The following SIRPG variants were observed in gnomAD, a reference collection of about 807,000 sequenced individuals.
The protein encoded by SIRPG is signal-regulatory protein gamma.
A neutral mutation model predicts 35.7 loss-of-function variants in SIRPG; 38 were observed. That is an observed-to-expected ratio of 1.06 (90% CI 0.82 to 1.40). The LOEUF (loss-of-function observed/expected upper bound fraction) is 1.40, where lower values mean the gene tolerates loss of function less well. Ranked by LOEUF, SIRPG falls within the 40% of genes most tolerant of loss-of-function variation. The pLI is 0.00. For synonymous variants in SIRPG, 215 were observed against 190.4 expected (o/e 1.13, Z -1.06); for missense variants, 519 against 483.0 (o/e 1.07, Z -0.70).
chr20:1,668,203 CTTTCTTTCTTTCTTTCTT>C, the SIRPG span, among the ~76,000 whole-genome samples: 1 of 25,004 alleles, frequency 4.0e-5, no homozygotes, highest in East Asian at 3.6e-3. Flanking sequence ...CTTTTCTTTT[CTTTCTTTCTTTCTTTCTT>C]TCTTTCTTTC....
chr20:1,658,641 C>G (rs1022132851), upstream of SIRPG, among the ~76,000 whole-genome samples: 7 of 152,130 alleles, frequency 4.6e-5, no homozygotes, highest in Non-Finnish European at 1.0e-4. Flanking sequence ...ATCTCCTAAA[C>G]TGGGAATAGT....
the SIRPG span, among the ~76,000 whole-genome samples, chr20:1,682,999 T>G: frequency 6.6e-6 from 1 of 152,312 alleles, no homozygotes; most frequent in Middle Eastern, 3.4e-3. Flanking sequence ...AATTATACAT[T>G]TGATAAGGAG....
At chr20:1,647,075 AG>A (rs1195629222) in intron 2 of SIRPG, 2 of 151,988 alleles carry the variant, frequency 1.3e-5, no homozygotes, top group Non-Finnish European at 2.9e-5. Flanking sequence ...AGGGGCTGTA[AG>A]TCAGGCTGGT....
chr20:1,682,705 A>T, the SIRPG span, among the ~76,000 whole-genome samples: 1 of 152,248 alleles, frequency 6.6e-6, no homozygotes, highest in Admixed American at 6.5e-5. Flanking sequence ...ACCACATACA[A>T]AAATCAACTC....
chr20:1,648,159 C>A (rs1474036597), intron 2 of SIRPG: 3 of 152,188 alleles, frequency 2.0e-5, no homozygotes, highest in African/African-American at 7.2e-5. Context: ...GGATTCTGGG[C>A]CTCTGGCTGG....
the SIRPG span, among the ~76,000 whole-genome samples, chr20:1,684,408 A>G: frequency 6.6e-6 from 1 of 152,182 alleles, no homozygotes; most frequent in Non-Finnish European, 1.5e-5. Context: ...ACACATATAT[A>G]TATGTATACA....
intron 2 of SIRPG, among the ~76,000 whole-genome samples, chr20:1,640,473 T>C (rs1600207081): frequency 6.6e-6 from 1 of 152,334 alleles, no homozygotes; most frequent in East Asian, 1.9e-4. Flanking sequence ...CCTGAGACTT[T>C]GCTGAAGTTT....
chr20:1,670,178 C>T, the SIRPG span: 1 of 259,234 alleles, frequency 3.9e-6, no homozygotes, highest in Non-Finnish European at 8.5e-6. Context: ...CTTCACCTGG[C>T]AGGTGACGTT....
chr20:1,648,726 T>C (rs2091916046), intron 2 of SIRPG, among the ~76,000 whole-genome samples: 1 of 152,258 alleles, frequency 6.6e-6, no homozygotes, highest in African/African-American at 2.4e-5. Flanking sequence ...AGGTGAGTTC[T>C]GGCCCCGTAC....
At chr20:1,676,197 G>A in the SIRPG span, among the ~76,000 whole-genome samples, 1 of 152,142 alleles carries the variant, frequency 6.6e-6, no homozygotes, top group Non-Finnish European at 1.5e-5. Flanking sequence ...TTTAAGGGTT[G>A]TTAGGAGTCT....
At chr20:1,681,324 G>A in the SIRPG span, among the ~76,000 whole-genome samples, 30 of 152,288 alleles carry the variant, frequency 2.0e-4, no homozygotes, top group Admixed American at 5.9e-4. Context: ...TGAAAACTGT[G>A]ATCTCTAGAT....
chr20:1,675,234 C>T, the SIRPG span, among the ~76,000 whole-genome samples: 15 of 152,106 alleles, frequency 9.9e-5, no homozygotes, highest in African/African-American at 2.7e-4. Context: ...GGGGTGGGCA[C>T]GTGCTCTGCT....
intron 1 of SIRPG, among the ~76,000 whole-genome samples, chr20:1,652,855 T>C (rs1245123535): frequency 6.6e-6 from 1 of 152,218 alleles, no homozygotes; most frequent in Non-Finnish European, 1.5e-5. Context: ...CTTTTTCTCT[T>C]TTATTCTACC....
At chr20:1,639,902 C>T (rs1361877532) in intron 2 of SIRPG, among the ~76,000 whole-genome samples, 3 of 152,078 alleles carry the variant, frequency 2.0e-5, no homozygotes, top group African/African-American at 4.8e-5. Flanking sequence ...GCTTGTTTTT[C>T]TCAGGTTTGT....
chr20:1,679,838 A>T, the SIRPG span, among the ~76,000 whole-genome samples: 1 of 139,794 alleles, frequency 7.2e-6, no homozygotes, highest in South Asian at 2.8e-4. Flanking sequence ...TGGCTCAACC[A>T]TTTGGGAGAT....
intron 3 of SIRPG, 73 bp downstream of exon 3, chr20:1,636,115 G>A: frequency 6.2e-7 from 1 of 1,602,206 alleles, no homozygotes; most frequent in Non-Finnish European, 8.5e-7. Context: ...AACCTCTGGA[G>A]CAACAGCCTG....
At chr20:1,638,127 G>A (rs2091819109) in intron 2 of SIRPG, among the ~76,000 whole-genome samples, 1 of 152,180 alleles carries the variant, frequency 6.6e-6, no homozygotes, top group Non-Finnish European at 1.5e-5. Context: ...AGGGCTTCTT[G>A]GGAGCCTGAT....
In SIRPG at chr20:1,652,142, A is replaced by C. The variant is rs1430242025; in HGVS notation, c.74-2734T>G. 3.3e-5 allele frequency among the ~76,000 whole-genome samples: 5 copies of C among 152,356 alleles called. No individual in the cohort carries two copies. The South Asian group carries it at 1.0e-3, about 32-fold the overall frequency. ...TAAACTTCCCCAGGGCTTCTAACGC[A>C]AAACAAAAAATAAAACAAAACAAAA... is the stretch of plus-strand genomic sequence containing the variant. On this transcript the variant is annotated intron_variant, in intron 1 of 5. Coordinates refer to ENST00000303415, the MANE Select transcript of SIRPG (RefSeq NM_018556.4).
At chr20:1,638,945 T>C (rs1043782570) in intron 2 of SIRPG, among the ~76,000 whole-genome samples, 3 of 152,202 alleles carry the variant, frequency 2.0e-5, no homozygotes, top group Non-Finnish European at 4.4e-5. Context: ...GCAAAGGACA[T>C]GAACTCATTC....
Sources: gnomAD v4.1 joint callset for allele counts (sites outside exome capture counted in the v4.1 genomes callset) on GRCh38, gnomAD v4.1.1 for gene constraint, MANE v1.5 for transcripts, NCBI Gene and HGNC (gene_info 2026-07-23, HGNC 2026-07-21) for gene names.